ATE1: variants seen among roughly 807,000 people sequenced by gnomAD.
ATE1 encodes arginyltransferase 1.
In ATE1, 36 loss-of-function variants were observed where a neutral mutation model predicts 70.5. The ratio of observed to expected loss-of-function variants is 0.51; its 90% confidence interval spans 0.39 to 0.67. The LOEUF is 0.67. Ranked by LOEUF, ATE1 falls within the 30% of genes least tolerant of loss-of-function variation. The probability of loss-of-function intolerance (pLI) is 0.00; values close to 1 mark genes in which losing one functional copy is unlikely to be tolerated. For missense variants in ATE1, 593 were observed against 629.5 expected, an observed-to-expected ratio of 0.94 and a Z score of 0.62; for synonymous variants, 232 against 219.3, an observed-to-expected ratio of 1.06 and a Z score of -0.51.
chr10:121,876,958 T>C (rs963605587), intron 7 of ATE1, among the ~76,000 whole-genome samples: 1 of 140,434 alleles, frequency 7.1e-6, no homozygotes, highest in African/African-American at 2.7e-5. Context: ...AGAGCGACAC[T>C]CCAGTCTCAA....
rs113901862 is a variant in ATE1 at position 121,913,120 on chromosome 10, C to T, written c.337+670G>A. On this transcript the variant is annotated intron_variant, in intron 4 of 11. Transcript: ENST00000224652. ...GGTCTCCATCTCCTGACCTCATGAT[C>T]CGCCTGCCTCGGCCTCCCAAGGTGC... 5.5e-3 allele frequency among the ~76,000 whole-genome samples: 835 copies of T among 152,288 alleles called. 8 individuals are homozygous for T. Among genetic ancestry groups the T allele is most frequent in the African/African-American group, 0.02 (811 of 41,562 alleles).
chr10:121,913,746 G>A lies in ATE1; in HGVS notation c.337+44C>T, dbSNP rs190644303. On this transcript the variant is annotated intron_variant, in intron 4 of 11. Transcript: ENST00000224652. Reference sequence around the variant, plus strand: ...CAAGATGACTGAAAGTGGGACCGTTGCAAAGACAGATAGTAAATCGTTTTT... The same window carrying A: ...CAAGATGACTGAAAGTGGGACCGTTACAAAGACAGATAGTAAATCGTTTTT... 1.6e-4 allele frequency: 225 copies of A among 1,381,120 alleles called. No homozygotes were observed. In the East Asian group the frequency reaches 5.1e-3, roughly 31 times the overall value. The allele number at this position is 1,381,120 out of a possible 1,614,324, so 85.6% of individuals were successfully genotyped here.
intron 11 of ATE1, among the ~76,000 whole-genome samples, chr10:121,756,644 T>C (rs774129651): frequency 6.6e-6 from 1 of 152,208 alleles, no homozygotes; most frequent in Non-Finnish European, 1.5e-5. Flanking sequence ...CTCAACACCA[T>C]GTGGAAGCTG....
intron 11 of ATE1, among the ~76,000 whole-genome samples, chr10:121,759,744 T>G (rs114354760): frequency 0.011 from 1,499 of 138,590 alleles, 10 homozygotes; most frequent in African/African-American, 0.029. Flanking sequence ...AAAAAAAAAG[T>G]ATAAGGTGAA....
chr10:121,856,957 C>T (rs1234794741), intron 8 of ATE1, among the ~76,000 whole-genome samples: 2 of 152,212 alleles, frequency 1.3e-5, no homozygotes. Flanking sequence ...CTCTGTAATG[C>T]TGAAGATTTT....
At chr10:121,781,959 T>C (rs1224054263) in intron 11 of ATE1, among the ~76,000 whole-genome samples, 2 of 152,214 alleles carry the variant, frequency 1.3e-5, no homozygotes, top group African/African-American at 2.4e-5. Context: ...TTTGCTAGCA[T>C]GACATAAAAG....
At chr10:121,797,147 AAAGTC>A (rs878889165) in intron 10 of ATE1, among the ~76,000 whole-genome samples, 23 of 152,224 alleles carry the variant, frequency 1.5e-4, no homozygotes, top group Admixed American at 9.8e-4. Flanking sequence ...GAGATACTTT[AAAGTC>A]GACGAACGTC....
intron 8 of ATE1, among the ~76,000 whole-genome samples, chr10:121,862,944 G>C (rs1289463895): frequency 1.5e-5 from 2 of 135,930 alleles, no homozygotes; most frequent in Admixed American, 7.7e-5. Flanking sequence ...CAATTAAAGG[G>C]GGGTATACAT....
At chr10:121,925,808 G>T (rs974580291) in intron 1 of ATE1, among the ~76,000 whole-genome samples, 1 of 151,870 alleles carries the variant, frequency 6.6e-6, no homozygotes, top group African/African-American at 2.4e-5. Flanking sequence ...TTGAGACCAG[G>T]AATTTGAGAT....
In ATE1 at chr10:121,927,838, G is replaced by T; in HGVS notation, c.106+6C>A. The T allele has an allele frequency of 6.4e-7, 1 of 1,562,182 alleles. No homozygotes were observed. The highest frequency in any genetic ancestry group is 8.6e-7 in the Non-Finnish European group (1 of 1,156,814). On this transcript the variant is annotated splice_donor_region_variant and intron_variant, in intron 1 of 11. Transcript: ENST00000224652. ...CTTCCCACGCCCGCCGGCCCGGCTC[G>T]CTCACCATTGGAGCGGCTGCCCGAC...
At chr10:121,904,407 C>T (rs1951106953) in intron 5 of ATE1, among the ~76,000 whole-genome samples, 1 of 150,832 alleles carries the variant, frequency 6.6e-6, no homozygotes, top group Non-Finnish European at 1.5e-5. Flanking sequence ...TTTGGGAGGC[C>T]GAGGCAGGCA....
intron 8 of ATE1, among the ~76,000 whole-genome samples, chr10:121,849,655 A>G (rs1181266440): frequency 6.6e-6 from 1 of 152,258 alleles, no homozygotes; most frequent in Non-Finnish European, 1.5e-5. Context: ...TTCCTAAAAG[A>G]TAACTGGTCG....
chr10:121,901,719 G>A (rs1054327122), intron 6 of ATE1, among the ~76,000 whole-genome samples: 2 of 152,172 alleles, frequency 1.3e-5, no homozygotes, highest in African/African-American at 2.4e-5. Context: ...GCCTACCAAA[G>A]TGCTAGGATT....
At chr10:121,783,181 A>C (rs899111711) in intron 11 of ATE1, among the ~76,000 whole-genome samples, 2 of 78,880 alleles carry the variant, frequency 2.5e-5, no homozygotes, top group South Asian at 1.3e-3. Flanking sequence ...TGAAATTTTA[A>C]AAGTACAGTA....
At chr10:121,752,187 ACT>A (rs1372732083) in intron 11 of ATE1, among the ~76,000 whole-genome samples, 3 of 133,078 alleles carry the variant, frequency 2.3e-5, no homozygotes, top group South Asian at 5.2e-4. Context: ...ACAGAGTGAG[ACT>A]CTGTCTCAAA....
At chr10:121,774,330 T>C (rs897595180) in intron 11 of ATE1, among the ~76,000 whole-genome samples, 1 of 152,210 alleles carries the variant, frequency 6.6e-6, no homozygotes. Context: ...TAGTATATCA[T>C]GGTATCTAAT....
Position 121,927,987 on chromosome 10 carries a change from C to G in ATE1, c.-38G>C. On this transcript the variant is annotated 5_prime_UTR_variant, in exon 1 of 12. Coordinates refer to ENST00000224652, the MANE Select transcript of ATE1 (RefSeq NM_001001976.3). Reference sequence around the variant, plus strand: ...GCGAACGCTCAGCCGCCCGGCCCCGCGTCGCTAGCGCGGCCGCCGCCGCCA... The same window carrying G: ...GCGAACGCTCAGCCGCCCGGCCCCGGGTCGCTAGCGCGGCCGCCGCCGCCA... 1 of 1,432,688 alleles carries G rather than the reference C, an allele frequency of 7.0e-7. No homozygotes were observed. The highest frequency in any genetic ancestry group is 9.2e-7 in the Non-Finnish European group (1 of 1,090,212). The allele number at this position is 1,432,688 out of a possible 1,614,324, so 88.7% of individuals were successfully genotyped here.
intron 7 of ATE1, chr10:121,898,759 G>A (rs1950868262): frequency 6.6e-7 from 1 of 1,514,156 alleles, no homozygotes; most frequent in East Asian, 2.3e-5. Context: ...AGGGTCATCA[G>A]CTCCACCTGA....
At chr10:121,904,264 G>A (rs1453275135) in intron 5 of ATE1, among the ~76,000 whole-genome samples, 1 of 151,856 alleles carries the variant, frequency 6.6e-6, no homozygotes, top group African/African-American at 2.4e-5. Context: ...TTACGGGCGT[G>A]AGCCACCGCA....
Sources: allele counts gnomAD v4.1 joint callset (sites outside exome capture counted in the v4.1 genomes callset), GRCh38; gene constraint gnomAD v4.1.1; transcripts MANE v1.5; gene names NCBI Gene and HGNC (gene_info 2026-07-23, HGNC 2026-07-21).